ENOX1: variants seen among roughly 807,000 people sequenced by gnomAD.
ENOX1 encodes ecto-NOX disulfide-thiol exchanger 1, also known as candidate growth-related and time keeping constitutive hydroquinone (NADH) oxidase.
Under a neutral mutation model 82.5 loss-of-function variants are expected in ENOX1, and 42 were observed. The ratio of observed to expected loss-of-function variants is 0.51; its 90% CI spans 0.40 to 0.66. The LOEUF is 0.66. Among genes scored for constraint, ENOX1 ranks in the 30% least tolerant of loss-of-function variants. ENOX1 has a pLI of 0.00. For missense variants in ENOX1, 608 were observed against 811.6 expected, an observed-to-expected ratio of 0.75 and a Z score of 3.05; for synonymous variants, 271 against 282.2, an observed-to-expected ratio of 0.96 and a Z score of 0.40.
At chr13:43,251,429 AC>A (rs2043449354) in intron 14 of ENOX1, among the ~76,000 whole-genome samples, 1 of 152,206 alleles carries the variant, frequency 6.6e-6, no homozygotes. Context: ...TAATGTATCT[AC>A]CTGCATAGGC....
chr13:43,223,949 T>G, intron 16 of ENOX1, 104 bp downstream of exon 16: 1 of 803,040 alleles, frequency 1.2e-6, no homozygotes, highest in Non-Finnish European at 2.1e-6. Flanking sequence ...TCAACCCCCA[T>G]AGGCTGCTAC....
intron 5 of ENOX1, among the ~76,000 whole-genome samples, chr13:43,374,734 A>C (rs1305941932): frequency 6.6e-6 from 1 of 152,324 alleles, no homozygotes; most frequent in Non-Finnish European, 1.5e-5. Flanking sequence ...GGTCCTCATT[A>C]TATCTCCACC....
intron 14 of ENOX1, among the ~76,000 whole-genome samples, chr13:43,256,951 T>TATATATATACAC (rs1434669480): frequency 1.3e-4 from 20 of 152,322 alleles, no homozygotes; most frequent in African/African-American, 4.8e-4. Flanking sequence ...TATATATATA[T>TATATATATACAC]ACACACAATG....
chr13:43,352,518 G>A (rs1457893953), intron 8 of ENOX1, among the ~76,000 whole-genome samples: 1 of 152,110 alleles, frequency 6.6e-6, no homozygotes, highest in Admixed American at 6.5e-5. Flanking sequence ...GGTTGCCACT[G>A]TTTCCAATAA....
intron 16 of ENOX1, among the ~76,000 whole-genome samples, chr13:43,217,244 T>C (rs1265517676): frequency 6.6e-6 from 1 of 152,176 alleles, no homozygotes; most frequent in Non-Finnish European, 1.5e-5. Context: ...GCAGGGCTCC[T>C]CTGTGATGAA....
intron 3 of ENOX1, among the ~76,000 whole-genome samples, chr13:43,455,788 T>C (rs1393744262): frequency 1.3e-5 from 2 of 152,068 alleles, no homozygotes; most frequent in East Asian, 3.9e-4. Context: ...TCTCATGAGA[T>C]CTGACGGTTT....
chr13:43,408,315 A>G (rs2053919189), intron 5 of ENOX1, among the ~76,000 whole-genome samples: 1 of 152,232 alleles, frequency 6.6e-6, no homozygotes, highest in Admixed American at 6.5e-5. Flanking sequence ...AATAAATTGA[A>G]GAAGCAGTGA....
chr13:43,269,432 G>T, intron 13 of ENOX1, 38 bp downstream of exon 13: 2 of 1,521,908 alleles, frequency 1.3e-6, no homozygotes, highest in Non-Finnish European at 1.8e-6. Context: ...TGGGGTGTTT[G>T]GACTGATTCA....
chr13:43,231,180 G>A (rs1044464225), intron 15 of ENOX1, among the ~76,000 whole-genome samples: 1 of 152,192 alleles, frequency 6.6e-6, no homozygotes, highest in African/African-American at 2.4e-5. Context: ...ATTACCAGAG[G>A]CCTGACCATA....
At chr13:43,683,047 AATCTAAGGTATCTCATCCTTT>A (rs1450602321) in intron 1 of ENOX1, among the ~76,000 whole-genome samples, 1 of 152,186 alleles carries the variant, frequency 6.6e-6, no homozygotes, top group African/African-American at 2.4e-5. Flanking sequence ...TGGCACGTCA[AATCTAAGGTATCTCATCCTTT>A]ATCTTTGGAA....
intron 1 of ENOX1, among the ~76,000 whole-genome samples, chr13:43,671,871 T>G (rs1657237619): frequency 6.6e-6 from 1 of 151,990 alleles, no homozygotes; most frequent in African/African-American, 2.4e-5. Flanking sequence ...CAACCAAGAG[T>G]TTAGTGGAAA....
intron 1 of ENOX1, among the ~76,000 whole-genome samples, chr13:43,725,431 T>C (rs1023680970): frequency 4.6e-5 from 7 of 152,130 alleles, no homozygotes; most frequent in African/African-American, 1.4e-4. Context: ...TGTTATTCTT[T>C]TGTTGTAAAG....
intron 2 of ENOX1, among the ~76,000 whole-genome samples, chr13:43,636,959 C>T (rs569335119): frequency 6.6e-5 from 10 of 152,202 alleles, no homozygotes; most frequent in Non-Finnish European, 1.5e-4. Context: ...CCTGTCATAG[C>T]TCACCTTGAG....
intron 13 of ENOX1, among the ~76,000 whole-genome samples, chr13:43,267,746 C>T (rs1169303553): frequency 1.3e-5 from 2 of 152,138 alleles, no homozygotes; most frequent in African/African-American, 4.8e-5. Context: ...CAAGGGGTAG[C>T]AGGTGAGGGG....
chr13:43,745,751 G>A (rs1047675193), intron 1 of ENOX1, among the ~76,000 whole-genome samples: 4 of 152,116 alleles, frequency 2.6e-5, no homozygotes, highest in African/African-American at 9.7e-5. Context: ...ACCCAGTAGG[G>A]GGTGATTTAA....
chr13:43,396,367 C>T (rs1468101210), intron 5 of ENOX1, among the ~76,000 whole-genome samples: 1 of 152,106 alleles, frequency 6.6e-6, no homozygotes, highest in Non-Finnish European at 1.5e-5. Context: ...ATCATCTCCA[C>T]CAAAAAGATT....
chr13:43,440,862 A>G (rs2056321467), intron 3 of ENOX1, among the ~76,000 whole-genome samples: 1 of 152,232 alleles, frequency 6.6e-6, no homozygotes, highest in Admixed American at 6.5e-5. Context: ...TGGAGAAAAC[A>G]TTGTTTCAAC....
intron 5 of ENOX1, among the ~76,000 whole-genome samples, chr13:43,384,234 C>T (rs898783991): frequency 1.3e-5 from 2 of 152,182 alleles, no homozygotes; most frequent in African/African-American, 4.8e-5. Flanking sequence ...TTTGTTGACA[C>T]AATAACATTT....
intron 11 of ENOX1, among the ~76,000 whole-genome samples, chr13:43,310,236 T>C (rs1593852449): frequency 6.8e-6 from 1 of 145,996 alleles, no homozygotes; most frequent in Admixed American, 6.8e-5. Flanking sequence ...CCTCTGCCAG[T>C]GCTGAGGTGC....
Sources: gnomAD v4.1 joint callset for allele counts (sites outside exome capture counted in the v4.1 genomes callset) on GRCh38, gnomAD v4.1.1 for gene constraint, MANE v1.5 for transcripts, NCBI Gene and HGNC (gene_info 2026-07-23, HGNC 2026-07-21) for gene names.